The following ASIC2 variants were observed in gnomAD, a reference collection of about 807,000 sequenced individuals.
The protein encoded by ASIC2 is acid sensing ion channel subunit 2.
Under a neutral mutation model 57.3 loss-of-function variants are expected in ASIC2, and 25 were observed. The ratio of observed to expected loss-of-function variants is 0.44; its 90% CI spans 0.32 to 0.61. The LOEUF is 0.61. Among genes scored for constraint, ASIC2 ranks in the 20% least tolerant of loss-of-function variants. The pLI, the probability that ASIC2 is intolerant of heterozygous loss-of-function variation, is 0.06. For synonymous variants in ASIC2, 319 were observed against 307.5 expected, an observed-to-expected ratio of 1.04 and a Z score of -0.39; for missense variants, 641 against 738.1, an observed-to-expected ratio of 0.87 and a Z score of 1.52.
intron 1 of ASIC2, among the ~76,000 whole-genome samples, chr17:33,637,718 A>G (rs2142031527): frequency 6.6e-6 from 1 of 152,362 alleles, no homozygotes; most frequent in East Asian, 1.9e-4. Flanking sequence ...TCAACATTGT[A>G]ATTACCTGAC....
chr17:33,959,990 T>C (rs56177227), intron 1 of ASIC2, among the ~76,000 whole-genome samples: 16,665 of 152,282 alleles, frequency 0.11, 1,043 homozygotes, highest in Middle Eastern at 0.17. Context: ...CCATGGACTT[T>C]GTCTATGCTA....
intron 1 of ASIC2, among the ~76,000 whole-genome samples, chr17:34,146,273 GA>G (rs1912415193): frequency 6.6e-6 from 1 of 152,020 alleles, no homozygotes; most frequent in South Asian, 2.1e-4. Context: ...AAAGATTTTT[GA>G]AAAAGGTATT....
rs138370187 is a variant in ASIC2 at position 33,898,830 on chromosome 17, C to T, written c.555+257148G>A. Reference sequence around the variant, plus strand: ...TTATAGACTGTCTCTTGATTTTGCCCCAATTCTAAATGAAGAAAATACATA... The same window carrying T: ...TTATAGACTGTCTCTTGATTTTGCCTCAATTCTAAATGAAGAAAATACATA... On this transcript the variant is annotated intron_variant, in intron 1 of 9. Coordinates refer to the ASIC2 transcript ENST00000359872. Among the ~76,000 whole-genome samples, 1,265 of 151,956 alleles carry T rather than the reference C, an allele frequency of 8.3e-3. 8 individuals are homozygous for T. The highest frequency in any genetic ancestry group is 0.044 in the Middle Eastern group (13 of 294).
intron 1 of ASIC2, among the ~76,000 whole-genome samples, chr17:33,669,911 G>A (rs1907592555): frequency 6.6e-6 from 1 of 152,128 alleles, no homozygotes; most frequent in Non-Finnish European, 1.5e-5. Context: ...GTTAGCGAGA[G>A]GACAGAAGTG....
intron 1 of ASIC2, among the ~76,000 whole-genome samples, chr17:33,898,218 A>ATT (rs1242866465): frequency 1.2e-4 from 8 of 67,796 alleles, no homozygotes; most frequent in Non-Finnish European, 1.8e-4. Context: ...TTCATGTATA[A>ATT]TCTTTTTTTT....
At chr17:33,641,165 G>A (rs901560709) in intron 1 of ASIC2, among the ~76,000 whole-genome samples, 1 of 152,096 alleles carries the variant, frequency 6.6e-6, no homozygotes, top group Non-Finnish European at 1.5e-5. Context: ...TGGCTTCCTG[G>A]ATCCTTCATA....
intron 3 of ASIC2, among the ~76,000 whole-genome samples, chr17:33,061,814 T>G (rs1446546031): frequency 6.6e-6 from 1 of 152,248 alleles, no homozygotes; most frequent in Non-Finnish European, 1.5e-5. Context: ...GTTGGTAAGC[T>G]ATTAATTATT....
rs531468426 is a variant in ASIC2, at chr17:34,130,322, T to C, written c.555+25656A>G. On this transcript the variant is annotated intron_variant, in intron 1 of 9. Transcript: ENST00000359872. ...GATTCAACCACTGCTTTCCAGGTGC[T>C]GAAATCAGATTCAACTACTGCTTTC... 3.3e-5 allele frequency among the ~76,000 whole-genome samples: 5 copies of C among 152,352 alleles called. No homozygotes were observed. The East Asian group carries it at 5.8e-4, about 18-fold the overall frequency.
At chr17:33,486,868 GT>G (rs1913591475) in intron 1 of ASIC2, among the ~76,000 whole-genome samples, 2 of 152,174 alleles carry the variant, frequency 1.3e-5, no homozygotes. Flanking sequence ...GAACCACCAA[GT>G]GAGAAGGACA....
chr17:33,509,729 T>C (rs373179359), intron 1 of ASIC2, among the ~76,000 whole-genome samples: 8 of 152,220 alleles, frequency 5.3e-5, no homozygotes, highest in African/African-American at 1.9e-4. Flanking sequence ...TTGTTGGATA[T>C]GCTTAGGAAA....
chr17:33,969,144 C>T (rs577540547), intron 1 of ASIC2, among the ~76,000 whole-genome samples: 1 of 152,276 alleles, frequency 6.6e-6, no homozygotes, highest in South Asian at 2.1e-4. Context: ...CGTTGAGAAA[C>T]AACCAGTAGT....
intron 1 of ASIC2, among the ~76,000 whole-genome samples, chr17:34,111,798 G>C (rs1455010570): frequency 6.6e-6 from 1 of 152,150 alleles, no homozygotes; most frequent in East Asian, 1.9e-4. Flanking sequence ...CAAAAGCTGA[G>C]AAAAACAAGT....
chr17:34,134,939 A>C (rs1405471597), intron 1 of ASIC2, among the ~76,000 whole-genome samples: 2 of 152,226 alleles, frequency 1.3e-5, no homozygotes, highest in Non-Finnish European at 2.9e-5. Context: ...CAAAAATATA[A>C]TAATAGTAAT....
chr17:33,737,317 C>A (rs1244533729), intron 1 of ASIC2, among the ~76,000 whole-genome samples: 1 of 152,224 alleles, frequency 6.6e-6, no homozygotes, highest in East Asian at 1.9e-4. Context: ...CAAGAGGTGT[C>A]CCTGGTTTGT....
intron 1 of ASIC2, among the ~76,000 whole-genome samples, chr17:33,942,942 T>A (rs1916223962): frequency 6.6e-6 from 1 of 152,202 alleles, no homozygotes; most frequent in African/African-American, 2.4e-5. Context: ...GCATTCGTCC[T>A]TCCCAAAGTC....
chr17:33,761,463 C>A (rs1351181088), intron 1 of ASIC2, among the ~76,000 whole-genome samples: 1 of 152,064 alleles, frequency 6.6e-6, no homozygotes, highest in Non-Finnish European at 1.5e-5. Flanking sequence ...AGCACCAGGA[C>A]TGATTCAGAG....
intron 7 of ASIC2, among the ~76,000 whole-genome samples, chr17:33,018,145 T>G (rs967615165): frequency 2.0e-5 from 3 of 152,198 alleles, no homozygotes; most frequent in African/African-American, 7.2e-5. Flanking sequence ...CCTCCCACCC[T>G]TGGGATAAGG....
chr17:34,084,257 A>C (rs1246458201), intron 1 of ASIC2, among the ~76,000 whole-genome samples: 1 of 151,794 alleles, frequency 6.6e-6, no homozygotes, highest in Non-Finnish European at 1.5e-5. Flanking sequence ...CCAGTTTTCC[A>C]CATATGGCTA....
chr17:33,378,958 TC>T (rs1909377483), intron 1 of ASIC2, among the ~76,000 whole-genome samples: 1 of 152,176 alleles, frequency 6.6e-6, no homozygotes, highest in Non-Finnish European at 1.5e-5. Flanking sequence ...GGTCTTATTT[TC>T]CCAACTACTT....
Sources: allele counts gnomAD v4.1 joint callset (sites outside exome capture counted in the v4.1 genomes callset), GRCh38; gene constraint gnomAD v4.1.1; transcripts MANE v1.5; gene names NCBI Gene and HGNC (gene_info 2026-07-23, HGNC 2026-07-21).